Variants in TIGAR observed in about 807,000 individuals in gnomAD.
TIGAR encodes fructose-2,6-bisphosphatase TIGAR.
A neutral mutation model predicts 17.9 loss-of-function variants in TIGAR; 7 were observed. That is an observed-to-expected ratio of 0.39 (90% CI 0.22 to 0.73). TIGAR has a LOEUF of 0.73. TIGAR is among the 30% of genes least tolerant of loss of function. TIGAR has a pLI of 0.42. For missense variants in TIGAR, 258 were observed against 327.4 expected (o/e 0.79, Z 1.64); for synonymous variants, 94 against 108.6 (o/e 0.87, Z 0.84).
intron 3 of TIGAR, among the ~76,000 whole-genome samples, chr12:4,345,414 T>G (rs1026799041): frequency 6.6e-6 from 1 of 152,234 alleles, no homozygotes; most frequent in East Asian, 1.9e-4. Flanking sequence ...AACAGAGATA[T>G]AGACCAATGG....
At chr12:4,340,310 C>G (rs964606860) in intron 3 of TIGAR, among the ~76,000 whole-genome samples, 11 of 152,054 alleles carry the variant, frequency 7.2e-5, no homozygotes, top group African/African-American at 2.7e-4. Context: ...ACAGTAGCCA[C>G]AAATAAAATT....
At chr12:4,337,357 G>C (rs980814959) in intron 3 of TIGAR, among the ~76,000 whole-genome samples, 197 bp downstream of exon 3, 1 of 152,106 alleles carries the variant, frequency 6.6e-6, no homozygotes, top group African/African-American at 2.4e-5. Context: ...GTAGAGATGG[G>C]GTTTTGCCAT....
intron 3 of TIGAR, among the ~76,000 whole-genome samples, chr12:4,345,271 A>G (rs1373418136): frequency 6.6e-6 from 1 of 152,222 alleles, no homozygotes; most frequent in Non-Finnish European, 1.5e-5. Context: ...TAAAGTTCAT[A>G]TGGAACCAAA....
intron 2 of TIGAR, among the ~76,000 whole-genome samples, chr12:4,332,941 G>C (rs1864619828): frequency 6.6e-6 from 1 of 152,062 alleles, no homozygotes; most frequent in South Asian, 2.1e-4. Context: ...GCAGTGGCCA[G>C]TTTGCCCTTT....
chr12:4,338,014 C>T (rs1864679342), intron 3 of TIGAR, among the ~76,000 whole-genome samples: 1 of 152,098 alleles, frequency 6.6e-6, no homozygotes, highest in African/African-American at 2.4e-5. Flanking sequence ...ACCTTAATCC[C>T]AGCTACTTGG....
chr12:4,329,548 A>C (rs1057058312), intron 1 of TIGAR, among the ~76,000 whole-genome samples: 1 of 151,986 alleles, frequency 6.6e-6, no homozygotes, highest in Non-Finnish European at 1.5e-5. Flanking sequence ...CATCTTGGCC[A>C]TGCTGGGCTT....
At chr12:4,327,869 T>C (rs1303100902) in intron 1 of TIGAR, among the ~76,000 whole-genome samples, 1 of 152,084 alleles carries the variant, frequency 6.6e-6, no homozygotes, top group Non-Finnish European at 1.5e-5. Context: ...GGTTTCACCA[T>C]ATTGGCCAGG....
intron 3 of TIGAR, among the ~76,000 whole-genome samples, chr12:4,346,980 A>G (rs1349401567): frequency 6.6e-6 from 1 of 152,194 alleles, no homozygotes; most frequent in East Asian, 1.9e-4. Flanking sequence ...ACTGTGAAGA[A>G]TTGTTTGGAG....
At chr12:4,336,495 C>T (rs1591661716) in intron 2 of TIGAR, among the ~76,000 whole-genome samples, 1 of 138,892 alleles carries the variant, frequency 7.2e-6, no homozygotes, top group East Asian at 2.1e-4. Flanking sequence ...CACACACACA[C>T]TCACACACAT....
At chr12:4,324,406 GC>G in intron 1 of TIGAR, 2 of 1,315,472 alleles carry the variant, frequency 1.5e-6, no homozygotes, top group Non-Finnish European at 1.1e-6. Flanking sequence ...GGAGTGGGTG[GC>G]CCCGATGCCG....
intron 2 of TIGAR, among the ~76,000 whole-genome samples, chr12:4,333,195 C>G (rs1308703460): frequency 6.6e-6 from 1 of 152,038 alleles, no homozygotes; most frequent in Non-Finnish European, 1.5e-5. Context: ...ATTTTTCCAT[C>G]TCATTCCTTT....
chr12:4,321,359 G>T lies in TIGAR; in HGVS notation c.32+56G>T. The T allele has an allele frequency of 6.3e-7, 1 of 1,597,550 alleles. No homozygotes were observed. Among genetic ancestry groups the T allele is most frequent in the Non-Finnish European group, 8.5e-7 (1 of 1,178,198 alleles). The stretch of plus-strand genomic sequence containing the variant: ...CTCTCTCTTCCTTGAGTGTGTTGGA[G>T]CGGGTGAAGGGAAAACGGGTCCACC... On this transcript the variant is annotated intron_variant, in intron 1 of 5. Transcript: ENST00000179259. This position sits in a 1 kb window ranked among gnomAD's most constrained non-coding sequence, Gnocchi z 5.2.
At chr12:4,349,011 A>G (rs918588599) in intron 3 of TIGAR, among the ~76,000 whole-genome samples, 3 of 152,254 alleles carry the variant, frequency 2.0e-5, no homozygotes, top group Non-Finnish European at 2.9e-5. Flanking sequence ...TGCAAATTCT[A>G]GAACTAAAAA....
At chr12:4,327,410 G>GAA (rs541221100) in intron 1 of TIGAR, among the ~76,000 whole-genome samples, 13 of 85,084 alleles carry the variant, frequency 1.5e-4, no homozygotes, top group African/African-American at 4.4e-4. Flanking sequence ...CCCCATCTCA[G>GAA]AAAAAAAAAA....
chr12:4,328,439 T>G (rs1265641808), intron 1 of TIGAR, among the ~76,000 whole-genome samples: 5 of 150,144 alleles, frequency 3.3e-5, no homozygotes, highest in African/African-American at 4.9e-5. Context: ...TGATCTGCCC[T>G]CCTTGGCCTC....
chr12:4,335,732 G>T (rs571430829), intron 2 of TIGAR: 6 of 152,318 alleles, frequency 3.9e-5, no homozygotes, highest in Admixed American at 3.9e-4. Context: ...GCATCGTTAG[G>T]AGTTCTCATT....
Position 4,323,065 on chromosome 12 carries a change from A to T in TIGAR, c.32+1762A>T, listed in dbSNP as rs144923685. On this transcript the variant is annotated intron_variant, in intron 1 of 5. Coordinates refer to ENST00000179259, the MANE Select transcript of TIGAR (RefSeq NM_020375.3). ...TGGATCCCTTGAGCACAGGAGTTCA[A>T]GACCAGCCTGGGCAACATGGTGAAA... 5.6e-3 allele frequency among the ~76,000 whole-genome samples: 855 copies of T among 151,534 alleles called. 7 individuals carry two copies. The highest frequency in any genetic ancestry group is 0.019 in the African/African-American group (795 of 41,194).
intron 3 of TIGAR, among the ~76,000 whole-genome samples, chr12:4,342,062 C>G (rs1276098756): frequency 2.0e-5 from 3 of 152,170 alleles, no homozygotes; most frequent in Non-Finnish European, 4.4e-5. Flanking sequence ...GAGCTGAAAA[C>G]CATGGCATGA....
At chr12:4,347,788 T>G (rs1219254848) in intron 3 of TIGAR, among the ~76,000 whole-genome samples, 3 of 152,202 alleles carry the variant, frequency 2.0e-5, no homozygotes, top group Non-Finnish European at 4.4e-5. Context: ...AAGTGATCAT[T>G]ATAGATAAAT....
Sources: allele counts gnomAD v4.1 joint callset (sites outside exome capture counted in the v4.1 genomes callset), GRCh38; gene constraint gnomAD v4.1.1; non-coding constraint Gnocchi (gnomAD v3.1); transcripts MANE v1.5; gene names NCBI Gene and HGNC (gene_info 2026-07-23, HGNC 2026-07-21).